LAMA2: variants seen among roughly 807,000 people sequenced by gnomAD.
LAMA2 encodes the protein laminin subunit alpha-2.
In LAMA2, 269 loss-of-function variants were observed where a neutral mutation model predicts 364.8. That is an observed-to-expected ratio of 0.74 (90% CI 0.67 to 0.82). LAMA2 has a LOEUF of 0.82. LAMA2 is among the 40% of genes least tolerant of loss of function. LAMA2 has a pLI of 0.00. For missense variants in LAMA2, 3,807 were observed against 3,873.2 expected (o/e 0.98, Z 0.45); for synonymous variants, 1,379 against 1,370.6 (o/e 1.01, Z -0.14).
chr6:128,995,913 A>G (rs760094892), intron 1 of LAMA2, among the ~76,000 whole-genome samples: 2 of 152,196 alleles, frequency 1.3e-5, no homozygotes, highest in Non-Finnish European at 2.9e-5. Context: ...AGTTTTTGAC[A>G]GGTATATAGT....
In LAMA2 at chr6:129,317,102, C is replaced by T. The variant is rs180898233; in HGVS notation, c.4058+931C>T. On this transcript the variant is annotated intron_variant, in intron 27 of 64. Transcript: ENST00000421865. Reference sequence around the variant, plus strand: ...CCAGGAGACTTCCACATCATGGACCCTCATGGTCATATTCTTTGAGTAGAC... The same window carrying T: ...CCAGGAGACTTCCACATCATGGACCTTCATGGTCATATTCTTTGAGTAGAC... Among the ~76,000 whole-genome samples the T allele has an allele frequency of 5.3e-5, 8 of 152,144 alleles. No individual in the cohort carries two copies. The East Asian group carries it at 7.7e-4, about 15-fold the overall frequency.
intron 8 of LAMA2, chr6:129,158,754 C>A (rs1443624218): frequency 1.2e-6 from 2 of 1,614,076 alleles, no homozygotes; most frequent in Non-Finnish European, 1.7e-6. Flanking sequence ...CGACAACATT[C>A]TATTGTCCGG....
chr6:128,921,650 AT>A (rs1243140446), intron 1 of LAMA2, among the ~76,000 whole-genome samples: 1 of 150,028 alleles, frequency 6.7e-6, no homozygotes, highest in South Asian at 2.1e-4. Flanking sequence ...CTAGGCTGAC[AT>A]TTTGGTTTCA....
rs1043199512 is a variant in LAMA2, at chr6:128,929,984, C to A, written c.112+46627C>A. On this transcript the variant is annotated intron_variant, in intron 1 of 64. Coordinates refer to ENST00000421865, the MANE Select transcript of LAMA2 (RefSeq NM_000426.4). ...CCTCATCCTGCGGAGGCGATCTTTGCGCACGGCGGCGTTATCCCACGCTGC... is the reference window on the plus strand; with the variant it reads ...CCTCATCCTGCGGAGGCGATCTTTGAGCACGGCGGCGTTATCCCACGCTGC... 3.4e-5 allele frequency: 20 copies of A among 583,790 alleles called. No homozygotes were observed. In the African/African-American group the frequency reaches 3.8e-4, roughly 11 times the overall value. 36.2% of individuals were successfully genotyped at this position (583,790 alleles called of 1,614,324 possible). A position where few individuals can be genotyped will look rare whatever the true frequency, so the allele number is the denominator to read the frequency against.
At chr6:129,418,273 A>G (rs1260564838) in intron 40 of LAMA2, among the ~76,000 whole-genome samples, 1 of 152,042 alleles carries the variant, frequency 6.6e-6, no homozygotes, top group African/African-American at 2.4e-5. Context: ...GAGCAGAAAT[A>G]TGGATATCCC....
At chr6:129,027,931 A>T (rs939805974) in intron 1 of LAMA2, among the ~76,000 whole-genome samples, 4 of 151,904 alleles carry the variant, frequency 2.6e-5, no homozygotes, top group African/African-American at 4.8e-5. Flanking sequence ...TGTTTACTCT[A>T]AAAGTCAAGT....
chr6:129,499,407 T>C (rs180683635), intron 58 of LAMA2, among the ~76,000 whole-genome samples: 2 of 152,346 alleles, frequency 1.3e-5, no homozygotes, highest in Non-Finnish European at 2.9e-5. Context: ...CATCTTGCAA[T>C]GACCATTCTT....
chr6:129,299,231 C>T lies in LAMA2; in HGVS notation c.3037+1366C>T, dbSNP rs1773395691. On this transcript the variant is annotated intron_variant, in intron 21 of 64. Transcript: ENST00000421865. ...TAGCCTGGATTTGTCTAAATGGCTC[C>T]TTCAGTAACTAGTTCTGGGACCTTG... is the stretch of plus-strand genomic sequence containing the variant. Among the ~76,000 whole-genome samples, 4 of 151,922 alleles carry T rather than the reference C, an allele frequency of 2.6e-5. No individual in the cohort carries two copies. In the South Asian group the frequency reaches 8.3e-4, roughly 32 times the overall value.
chr6:129,337,168 TGAC>T (rs1467227212), intron 29 of LAMA2, among the ~76,000 whole-genome samples: 1 of 152,130 alleles, frequency 6.6e-6, no homozygotes, highest in Non-Finnish European at 1.5e-5. Context: ...ACAGAGGAAA[TGAC>T]ACATATTAGC....
At chr6:129,213,016 C>G (rs9372920) in intron 12 of LAMA2, among the ~76,000 whole-genome samples, 2,739 of 152,268 alleles carry the variant, frequency 0.018, 92 homozygotes, top group East Asian at 0.15. Context: ...ACATATTACT[C>G]TCATAATCTA....
At chr6:129,061,564 C>G (rs547486083) in intron 3 of LAMA2, among the ~76,000 whole-genome samples, 1 of 152,266 alleles carries the variant, frequency 6.6e-6, no homozygotes, top group East Asian at 1.9e-4. Context: ...TACCTGAAAG[C>G]CTATTTTTCA....
At chr6:129,090,751 T>G (rs1422113279) in intron 3 of LAMA2, among the ~76,000 whole-genome samples, 1 of 152,196 alleles carries the variant, frequency 6.6e-6, no homozygotes, top group African/African-American at 2.4e-5. Context: ...AACCACTTTA[T>G]AGATTGTGCT....
In LAMA2 at chr6:129,052,454, C is replaced by G. The variant is rs1014791559; in HGVS notation, c.283+2366C>G. ...TGAGCCACCGCGCCCGGCCTTTTCT[C>G]TGTCTTTTTAAATAGACCTTATTTT... On this transcript the variant is annotated intron_variant, in intron 2 of 64. Transcript: ENST00000421865. Among the ~76,000 whole-genome samples the G allele has an allele frequency of 2.6e-5, 4 of 152,068 alleles. No homozygotes were observed. In the South Asian group the frequency reaches 6.2e-4, roughly 24 times the overall value.
intron 4 of LAMA2, among the ~76,000 whole-genome samples, chr6:129,138,016 T>C (rs909260619): frequency 2.0e-5 from 3 of 151,950 alleles, no homozygotes; most frequent in Non-Finnish European, 4.4e-5. Context: ...ATTTTAAAGA[T>C]ATATAAAGTA....
At chr6:129,367,526 T>G (rs1008172643) in intron 33 of LAMA2, among the ~76,000 whole-genome samples, 2 of 152,224 alleles carry the variant, frequency 1.3e-5, no homozygotes, top group Non-Finnish European at 2.9e-5. Flanking sequence ...ACTGAGAGTA[T>G]AATTTCTGTT....
chr6:129,047,953 G>GGATA (rs1005447069), intron 1 of LAMA2, among the ~76,000 whole-genome samples: 3 of 152,148 alleles, frequency 2.0e-5, no homozygotes, highest in Admixed American at 6.5e-5. Flanking sequence ...GTGATTAAGA[G>GGATA]GATAGACTCT....
In LAMA2 at chr6:129,315,527, C is replaced by A. The variant is rs745363589; in HGVS notation, c.3607C>A (p.Gln1203Lys). 5.6e-6 allele frequency: 9 copies of A among 1,614,020 alleles called. No individual in the cohort carries two copies. The South Asian group carries it at 6.6e-5, about 12-fold the overall frequency. The stretch of plus-strand genomic sequence containing the variant: ...TCTACCCCTGGTAGATGAGGCTCTG[C>A]AGCACACGACCACCAAGGGCATTGT... Reference protein sequence around the residue: ...TILPLVDEALQHTTTKGIVFQ... With the variant: ...TILPLVDEALKHTTTKGIVFQ... The change falls in exon 25 of 65, where the codon CAG becomes AAG. Residue 1203 changes from glutamine to lysine, a missense_variant. Around this residue, in one of 3 missense-constraint regions of LAMA2, gnomAD observed 3,333 missense variants for 3,345.7 expected, o/e 1.00. Transcript: ENST00000421865.
At chr6:129,459,022 T>A (rs1007077906) in intron 48 of LAMA2, among the ~76,000 whole-genome samples, 1 of 152,048 alleles carries the variant, frequency 6.6e-6, no homozygotes, top group East Asian at 1.9e-4. Flanking sequence ...TGTCACTCAA[T>A]GACAAGAATA....
At chr6:129,011,718 G>A (rs376379654) in intron 1 of LAMA2, among the ~76,000 whole-genome samples, 3 of 152,066 alleles carry the variant, frequency 2.0e-5, no homozygotes, top group Non-Finnish European at 4.4e-5. Context: ...TGTTTACTCC[G>A]GACTTTCAGG....
Sources: gnomAD v4.1 joint callset for allele counts (sites outside exome capture counted in the v4.1 genomes callset) on GRCh38, gnomAD v4.1.1 for gene constraint, gnomAD v4.1.1 regional missense constraint, MANE v1.5 for transcripts, NCBI Gene and HGNC (gene_info 2026-07-23, HGNC 2026-07-21) for gene names.